Variants in TSPEAR observed in about 807,000 individuals in gnomAD.
TSPEAR encodes the protein thrombospondin type laminin G domain and EAR repeats, also known as thrombospondin-type laminin G domain and EAR repeat-containing protein.
In TSPEAR, 69 loss-of-function variants were observed where a neutral mutation model predicts 71.6. The ratio of observed to expected loss-of-function variants is 0.96; its 90% confidence interval spans 0.79 to 1.18. The LOEUF is 1.18. Ranked by LOEUF, TSPEAR falls within the 50% of genes most tolerant of loss-of-function variation. TSPEAR has a pLI of 0.00. For synonymous variants in TSPEAR, 402 were observed against 387.2 expected (o/e 1.04, Z -0.45); for missense variants, 971 against 894.9 (o/e 1.09, Z -1.09).
Position 44,612,817 on chromosome 21 carries a change from C to T in TSPEAR, c.83-44812G>A, listed in dbSNP as rs1981805371. The T allele has an allele frequency of 6.2e-7, 1 of 1,613,038 alleles. No homozygotes were observed. The highest frequency in any genetic ancestry group is 1.3e-5 in the African/African-American group (1 of 74,876). ...CTGCCTCCTCCTGCCAGCCCAGCTG[C>T]TGCCACCCGGCCTCCTGCCTGTCCT... On this transcript the variant is annotated intron_variant, in intron 1 of 11. Transcript: ENST00000323084. This position sits in a 1 kb window ranked among gnomAD's most constrained non-coding sequence, Gnocchi z 4.1.
At chr21:44,503,305 G>C (rs1195664351) in intron 11 of TSPEAR, among the ~76,000 whole-genome samples, 2 of 139,878 alleles carry the variant, frequency 1.4e-5, no homozygotes, top group African/African-American at 2.7e-5. Flanking sequence ...GGGAAGCAAG[G>C]CTCTGGGAGG....
chr21:44,673,544 TATC>T (rs1986157883), intron 1 of TSPEAR, among the ~76,000 whole-genome samples: 1 of 152,160 alleles, frequency 6.6e-6, no homozygotes, highest in African/African-American at 2.4e-5. Flanking sequence ...CCATTAGACA[TATC>T]ATCCAGACAG....
intron 1 of TSPEAR, among the ~76,000 whole-genome samples, chr21:44,646,048 C>T (rs1011815553): frequency 1.5e-5 from 2 of 129,324 alleles, no homozygotes; most frequent in South Asian, 4.9e-4. Flanking sequence ...TCGCTTGAAC[C>T]CAGGGGGCGG....
chr21:44,533,461 TCTCCACCCCATGGCTCCTGTCC>T (rs1490267671), intron 3 of TSPEAR, among the ~76,000 whole-genome samples: 1 of 100,110 alleles, frequency 1.0e-5, no homozygotes, highest in Non-Finnish European at 2.1e-5. Flanking sequence ...GGCTCCTGCC[TCTCCACCCCATGGCTCCTGTCC>T]CTCCACCCCA....
At chr21:44,682,481 C>T (rs1986653496) in intron 1 of TSPEAR, among the ~76,000 whole-genome samples, 1 of 152,182 alleles carries the variant, frequency 6.6e-6, no homozygotes. Flanking sequence ...CCCAAAAGAG[C>T]TCCTCGAACC....
chr21:44,590,267 C>T (rs986466372), intron 1 of TSPEAR, among the ~76,000 whole-genome samples: 4 of 152,236 alleles, frequency 2.6e-5, no homozygotes, highest in Non-Finnish European at 4.4e-5. Flanking sequence ...TCGTACCACT[C>T]GCCCAACGCG....
At chr21:44,513,519 C>T (rs782052798) in intron 9 of TSPEAR, among the ~76,000 whole-genome samples, 3 of 152,218 alleles carry the variant, frequency 2.0e-5, no homozygotes, top group Non-Finnish European at 4.4e-5. Context: ...TCCCGCCCTC[C>T]CTCCAATGGA....
intron 8 of TSPEAR, among the ~76,000 whole-genome samples, 169 bp downstream of exon 8, chr21:44,525,484 C>T (rs1555914807): frequency 6.6e-6 from 1 of 152,170 alleles, no homozygotes; most frequent in Non-Finnish European, 1.5e-5. Flanking sequence ...CCAGGGACCA[C>T]CAGTAGATGT....
At chr21:44,650,000 C>A (rs1018426418) in intron 1 of TSPEAR, among the ~76,000 whole-genome samples, 2 of 152,150 alleles carry the variant, frequency 1.3e-5, no homozygotes, top group Non-Finnish European at 2.9e-5. Context: ...GGAGGGAGGA[C>A]CACTCGAGCC....
intron 9 of TSPEAR, among the ~76,000 whole-genome samples, chr21:44,515,120 C>T (rs1159994444): frequency 6.6e-6 from 1 of 152,156 alleles, no homozygotes; most frequent in East Asian, 1.9e-4. Context: ...TCAAAGCTCA[C>T]GTTCATGAAA....
At chr21:44,550,256 G>A (rs1430575090) in intron 2 of TSPEAR, 2 of 221,592 alleles carry the variant, frequency 9.0e-6, no homozygotes, top group Non-Finnish European at 1.8e-5. Flanking sequence ...GCCCCCAGCT[G>A]GGGAAGTAAA....
intron 1 of TSPEAR, among the ~76,000 whole-genome samples, chr21:44,622,356 A>AT (rs1368996848): frequency 6.6e-6 from 1 of 152,028 alleles, no homozygotes; most frequent in Non-Finnish European, 1.5e-5. Context: ...GTGTTTTGAG[A>AT]TTTTTTATGC....
chr21:44,633,908 G>A (rs1183165301), intron 1 of TSPEAR, among the ~76,000 whole-genome samples: 1 of 151,674 alleles, frequency 6.6e-6, no homozygotes, highest in Non-Finnish European at 1.5e-5. Context: ...ATATCTTGGG[G>A]GTCTGATGTT....
intron 2 of TSPEAR, chr21:44,557,902 T>C (rs1421564763): frequency 2.1e-6 from 2 of 947,794 alleles, no homozygotes; most frequent in Non-Finnish European, 3.1e-6. Flanking sequence ...GATGCATGCC[T>C]GGAGGGAATC....
At chr21:44,653,026 C>T (rs1439905691) in intron 1 of TSPEAR, among the ~76,000 whole-genome samples, 1 of 151,926 alleles carries the variant, frequency 6.6e-6, no homozygotes, top group Non-Finnish European at 1.5e-5. Context: ...AGCGTGGCGG[C>T]GGGCACCTGT....
intron 1 of TSPEAR, chr21:44,601,199 C>G: frequency 6.2e-7 from 1 of 1,602,030 alleles, no homozygotes; most frequent in South Asian, 1.1e-5. Context: ...GTCTGTGAGC[C>G]CAGCCCCTGC....
chr21:44,568,753 G>A (rs1488593535), intron 1 of TSPEAR, among the ~76,000 whole-genome samples: 2 of 152,204 alleles, frequency 1.3e-5, no homozygotes, highest in Admixed American at 6.5e-5. Flanking sequence ...CTCGGCCACT[G>A]CAGCTGGCCC....
intron 1 of TSPEAR, chr21:44,579,444 G>GA: frequency 2.0e-6 from 1 of 498,192 alleles, no homozygotes. Context: ...GAGCACTACA[G>GA]AAAAAGAGAA....
At chr21:44,706,924 G>A (rs1302252418) in intron 1 of TSPEAR, among the ~76,000 whole-genome samples, 2 of 152,204 alleles carry the variant, frequency 1.3e-5, no homozygotes, top group East Asian at 3.9e-4. Flanking sequence ...GATGAAAAGT[G>A]AGCCATCGAG....
Sources: allele counts gnomAD v4.1 joint callset (sites outside exome capture counted in the v4.1 genomes callset), GRCh38; gene constraint gnomAD v4.1.1; non-coding constraint Gnocchi (gnomAD v3.1); transcripts MANE v1.5; gene names NCBI Gene and HGNC (gene_info 2026-07-23, HGNC 2026-07-21).